The following GLP2R variants were observed in gnomAD, a reference collection of about 807,000 sequenced individuals.
GLP2R encodes glucagon-like peptide 2 receptor.
GLP2R carries 59 observed loss-of-function variants against 68.2 expected under a neutral mutation model. That is an observed-to-expected ratio of 0.87 (90% CI 0.70 to 1.07). The LOEUF (loss-of-function observed/expected upper bound fraction) is 1.07, where lower values mean the gene tolerates loss of function less well. Among genes scored for constraint, GLP2R ranks in the 50% least tolerant of loss-of-function variants. The pLI is 0.00. For synonymous variants in GLP2R, 270 were observed against 265.4 expected, an observed-to-expected ratio of 1.02 and a Z score of -0.17; for missense variants, 548 against 677.4, an observed-to-expected ratio of 0.81 and a Z score of 2.12.
intron 3 of GLP2R, among the ~76,000 whole-genome samples, chr17:9,838,227 GT>G (rs2152032142): frequency 6.6e-6 from 1 of 152,288 alleles, no homozygotes; most frequent in Admixed American, 6.5e-5. Flanking sequence ...CAGTCCCTCT[GT>G]TTTACACTTT....
chr17:9,866,478 AG>A (rs1253630243), intron 9 of GLP2R: 3 of 153,822 alleles, frequency 2.0e-5, no homozygotes, highest in African/African-American at 4.8e-5. Flanking sequence ...AAATATTAAG[AG>A]TGCCAACATT....
At chr17:9,826,589 A>ACATAT (rs2066633795) in intron 1 of GLP2R, among the ~76,000 whole-genome samples, 1 of 152,198 alleles carries the variant, frequency 6.6e-6, no homozygotes. Flanking sequence ...CAATTGCTGC[A>ACATAT]CATATCCTTC....
intron 4 of GLP2R, among the ~76,000 whole-genome samples, chr17:9,844,082 G>A (rs2066813510): frequency 6.6e-6 from 1 of 152,156 alleles, no homozygotes; most frequent in Non-Finnish European, 1.5e-5. Flanking sequence ...TAGTAAGAGA[G>A]AGAGCAAAAG....
intron 1 of GLP2R, among the ~76,000 whole-genome samples, chr17:9,830,582 G>A (rs189046837): frequency 2.0e-5 from 3 of 152,272 alleles, no homozygotes; most frequent in East Asian, 3.9e-4. Flanking sequence ...ATTACTTATT[G>A]GATAATTGCA....
intron 9 of GLP2R, among the ~76,000 whole-genome samples, chr17:9,863,093 C>A (rs2067001683): frequency 6.6e-6 from 1 of 152,032 alleles, no homozygotes; most frequent in Non-Finnish European, 1.5e-5. Context: ...GCTGCGGTAT[C>A]TTCCCTCCTG....
intron 10 of GLP2R, among the ~76,000 whole-genome samples, chr17:9,879,104 A>G (rs2067166730): frequency 6.6e-6 from 1 of 151,868 alleles, no homozygotes; most frequent in South Asian, 2.1e-4. Flanking sequence ...CTCAGGATCC[A>G]TGAGGAGTTC....
chr17:9,868,797 A>G (rs2067064884), intron 9 of GLP2R, among the ~76,000 whole-genome samples: 2 of 152,150 alleles, frequency 1.3e-5, no homozygotes, highest in African/African-American at 4.8e-5. Context: ...ATAACCTTTC[A>G]TTGCCTAGGA....
intron 4 of GLP2R, among the ~76,000 whole-genome samples, chr17:9,849,607 C>CTTTTTTTTTTTTTTTTTT (rs57795068): frequency 3.4e-5 from 3 of 87,120 alleles, no homozygotes; most frequent in African/African-American, 9.2e-5. Flanking sequence ...TTTTCTCTTT[C>CTTTTTTTTTTTTTTTTTT]TTTTTTTTTT....
At chr17:9,844,352 T>C (rs1344042661) in intron 4 of GLP2R, among the ~76,000 whole-genome samples, 1 of 152,096 alleles carries the variant, frequency 6.6e-6, no homozygotes, top group African/African-American at 2.4e-5. Flanking sequence ...CATGAGTTAG[T>C]TATGGAGATC....
intron 3 of GLP2R, among the ~76,000 whole-genome samples, chr17:9,840,556 G>A (rs565428272): frequency 5.9e-5 from 9 of 152,312 alleles, no homozygotes; most frequent in East Asian, 5.8e-4. Context: ...CTCTCTCCTC[G>A]TGGGGCTTAC....
At position 9,861,150 on chromosome 17, in the gene GLP2R, C is replaced by T. The variant is rs2066983496; in HGVS notation, c.937C>T (p.Leu313=). 6.2e-7 allele frequency: 1 copy of T among 1,613,422 alleles called. No homozygotes were observed. Residue 313 remains leucine (L), a synonymous_variant, in exon 8 of 13, where the codon CTA becomes TTA. Coordinates refer to ENST00000262441, the MANE Select transcript of GLP2R (RefSeq NM_004246.3). The part of the protein sequence containing the change: ...YLLLGWAFPV[L]FVVPWGFARA... ...TGTTTTCTCCCCAGCCTTCCCTGTG[C>T]TATTTGTTGTACCCTGGGGTTTCGC...
At chr17:9,872,918 A>T (rs1393687841) in intron 10 of GLP2R, among the ~76,000 whole-genome samples, 1 of 152,230 alleles carries the variant, frequency 6.6e-6, no homozygotes, top group Non-Finnish European at 1.5e-5. Context: ...ATGGGCAGAC[A>T]TACTATAGTT....
intron 4 of GLP2R, among the ~76,000 whole-genome samples, chr17:9,844,456 T>C (rs1039843277): frequency 1.3e-5 from 2 of 150,750 alleles, no homozygotes; most frequent in African/African-American, 4.9e-5. Context: ...CGCCCAGGGG[T>C]GGAAGAAGAG....
Position 9,889,774 on chromosome 17 carries a change from C to T in GLP2R, c.*69C>T. ...GGGGGCCCAGGAAGAGGAAGCAAAG[C>T]AGGACACACGTTGCTGGGCACGGAA... On this transcript the variant is annotated 3_prime_UTR_variant, in exon 13 of 13. Coordinates refer to ENST00000262441, the MANE Select transcript of GLP2R (RefSeq NM_004246.3). 2.1e-6 allele frequency: 2 copies of T among 948,040 alleles called. No individual in the cohort carries two copies. The highest frequency in any genetic ancestry group is 3.4e-5 in the South Asian group (2 of 59,346). The allele number at this position is 948,040 out of a possible 1,614,324, so 58.7% of individuals were successfully genotyped here.
At chr17:9,850,887 T>A (rs1260685284) in intron 4 of GLP2R, among the ~76,000 whole-genome samples, 1 of 151,856 alleles carries the variant, frequency 6.6e-6, no homozygotes, top group Middle Eastern at 3.2e-3. Flanking sequence ...AGAGATGGGG[T>A]TTGCCATGTT....
chr17:9,859,997 A>G lies in GLP2R; in HGVS notation c.821A>G (p.Asn274Ser). Residue 274 changes from asparagine to serine, a missense_variant, in exon 7 of 13, where the codon AAT becomes AGT. Physicochemically the swap from Asn to Ser is conservative, Grantham distance 46 (BLOSUM62 1). Transcript: ENST00000262441. ...QVLLHYFVGA[N>S]YLWLLVEGLY... ...CTCTTGCATTACTTTGTGGGTGCCA[A>G]TTACTTATGGCTGCTGGTTGAAGGC... The G allele has an allele frequency of 6.2e-7, 1 of 1,613,244 alleles. No homozygotes were observed. Among genetic ancestry groups the G allele is most frequent in the Non-Finnish European group, 8.5e-7 (1 of 1,179,852 alleles).
intron 1 of GLP2R, 115 bp downstream of exon 1, chr17:9,826,367 A>T: frequency 2.9e-6 from 2 of 678,256 alleles, no homozygotes; most frequent in Non-Finnish European, 4.7e-6. Context: ...TATTAAGAAA[A>T]TAATGAGCCG....
At chr17:9,861,296 A>C in intron 8 of GLP2R, 97 bp downstream of exon 8, 1 of 834,022 alleles carries the variant, frequency 1.2e-6, no homozygotes, top group East Asian at 2.5e-5. Flanking sequence ...GAAAATATCT[A>C]TCCCTTCTCA....
intron 4 of GLP2R, among the ~76,000 whole-genome samples, chr17:9,848,817 A>G (rs536259632): frequency 1.3e-5 from 2 of 151,458 alleles, no homozygotes; most frequent in African/African-American, 4.8e-5. Flanking sequence ...CTTCCAACTA[A>G]CGAGATGCTG....
Sources: allele counts gnomAD v4.1 joint callset (sites outside exome capture counted in the v4.1 genomes callset), GRCh38; gene constraint gnomAD v4.1.1; transcripts MANE v1.5; gene names NCBI Gene and HGNC (gene_info 2026-07-23, HGNC 2026-07-21).